Variants in OR10J1 observed in about 807,000 individuals in gnomAD.
The protein encoded by OR10J1 is olfactory receptor 10J1.
For missense variants in OR10J1, 474 were observed against 376.6 expected (o/e 1.26, Z -2.14); for synonymous variants, 202 against 143.8 (o/e 1.40, Z -2.89).
chr1:159,406,363 G>A, the OR10J1 span: 1 of 435,358 alleles, frequency 2.3e-6, no homozygotes, highest in South Asian at 1.9e-5. Flanking sequence ...CTTTGACCTT[G>A]GCACTGAAGA....
chr1:159,401,253 T>G, the OR10J1 span, among the ~76,000 whole-genome samples: 1 of 151,554 alleles, frequency 6.6e-6, no homozygotes, highest in African/African-American at 2.4e-5. Context: ...ATAATAAAGA[T>G]TAGAGCAGAA....
At chr1:159,414,686 A>G in the OR10J1 span, among the ~76,000 whole-genome samples, 3 of 152,100 alleles carry the variant, frequency 2.0e-5, no homozygotes, top group African/African-American at 7.2e-5. Context: ...TAGCAACTGT[A>G]CTAATTTACG....
At chr1:159,404,972 GT>G in the OR10J1 span, among the ~76,000 whole-genome samples, 1 of 152,024 alleles carries the variant, frequency 6.6e-6, no homozygotes, top group Non-Finnish European at 1.5e-5. Flanking sequence ...GTAATTCCCC[GT>G]TTTTATACCC....
At chr1:159,421,810 C>T in the OR10J1 span, among the ~76,000 whole-genome samples, 3 of 152,222 alleles carry the variant, frequency 2.0e-5, no homozygotes, top group Admixed American at 6.5e-5. Context: ...CTGTTCATGG[C>T]CCCATGGTGA....
chr1:159,401,957 A>T, the OR10J1 span, among the ~76,000 whole-genome samples: 2 of 152,084 alleles, frequency 1.3e-5, no homozygotes, highest in Non-Finnish European at 2.9e-5. Context: ...AAATCAATCA[A>T]TGTGATACAT....
the OR10J1 span, among the ~76,000 whole-genome samples, chr1:159,408,366 C>CA: frequency 6.8e-6 from 1 of 146,384 alleles, no homozygotes; most frequent in Admixed American, 7.2e-5. Flanking sequence ...ATCGCAAGAA[C>CA]AAAAAACCAA....
At chr1:159,400,665 A>G in the OR10J1 span, among the ~76,000 whole-genome samples, 1 of 151,770 alleles carries the variant, frequency 6.6e-6, no homozygotes, top group Non-Finnish European at 1.5e-5. Context: ...CCAATACAAT[A>G]AGAGCTGGAG....
chr1:159,430,444 A>T, the OR10J1 span, among the ~76,000 whole-genome samples: 1 of 152,134 alleles, frequency 6.6e-6, no homozygotes, highest in African/African-American at 2.4e-5. Context: ...TATATGAGTA[A>T]GTGGGGCTTG....
the OR10J1 span, among the ~76,000 whole-genome samples, chr1:159,411,644 C>G: frequency 6.6e-6 from 1 of 152,058 alleles, no homozygotes; most frequent in Non-Finnish European, 1.5e-5. Flanking sequence ...AGTCTTGACT[C>G]TTTATCCAAT....
At chr1:159,432,977 A>G (rs1187469020), upstream of OR10J1, 5 of 432,590 alleles carry the variant, frequency 1.2e-5, no homozygotes, top group East Asian at 3.3e-5. Flanking sequence ...TACTTCTTTC[A>G]TCTACCTAAA....
chr1:159,432,355 G>A, the OR10J1 span: 98 of 401,596 alleles, frequency 2.4e-4, no homozygotes, highest in Admixed American at 8.8e-4. Context: ...ATAGTTATCC[G>A]CCTTAACCAT....
At chr1:159,437,010 A>G (rs1655754815), upstream of OR10J1, among the ~76,000 whole-genome samples, 1 of 152,224 alleles carries the variant, frequency 6.6e-6, no homozygotes, top group Non-Finnish European at 1.5e-5. Flanking sequence ...GACATATGCT[A>G]AGTGCTTAAA....
At chr1:159,430,773 A>G in the OR10J1 span, among the ~76,000 whole-genome samples, 1 of 151,970 alleles carries the variant, frequency 6.6e-6, no homozygotes. Flanking sequence ...CAGAAATTTA[A>G]TTTAGTATTT....
At chr1:159,401,083 C>T in the OR10J1 span, among the ~76,000 whole-genome samples, 1 of 151,112 alleles carries the variant, frequency 6.6e-6, no homozygotes, top group Admixed American at 6.6e-5. Context: ...CATACCAAAA[C>T]CTATGGGATA....
the OR10J1 span, among the ~76,000 whole-genome samples, chr1:159,415,513 A>T: frequency 6.6e-6 from 1 of 152,000 alleles, no homozygotes; most frequent in African/African-American, 2.4e-5. Flanking sequence ...TGATGCCTCT[A>T]GCTTTGTTGT....
chr1:159,405,875 G>A, the OR10J1 span: 2 of 682,878 alleles, frequency 2.9e-6, no homozygotes, highest in Admixed American at 2.1e-5. Context: ...TCACAAAAGG[G>A]CAGGCCAAAC....
the OR10J1 span, among the ~76,000 whole-genome samples, chr1:159,414,356 T>A: frequency 6.6e-6 from 1 of 152,072 alleles, no homozygotes; most frequent in East Asian, 1.9e-4. Context: ...AATTTTTCTT[T>A]TTGTGTCTGG....
chr1:159,423,924 A>T, the OR10J1 span, among the ~76,000 whole-genome samples: 2 of 152,182 alleles, frequency 1.3e-5, no homozygotes, highest in Non-Finnish European at 2.9e-5. Flanking sequence ...TGGACAGCCA[A>T]GGTGGTTTCT....
chr1:159,434,016 T>A (rs1298832983), upstream of OR10J1, among the ~76,000 whole-genome samples: 1 of 152,186 alleles, frequency 6.6e-6, no homozygotes, highest in Non-Finnish European at 1.5e-5. Flanking sequence ...TTGTCCCTCT[T>A]TGTGACATCT....
Sources: gnomAD v4.1 joint callset for allele counts (sites outside exome capture counted in the v4.1 genomes callset) on GRCh38, gnomAD v4.1.1 for gene constraint, MANE v1.5 for transcripts, NCBI Gene and HGNC (gene_info 2026-07-23, HGNC 2026-07-21) for gene names.